The following WDR27 variants were observed in gnomAD, a reference collection of about 807,000 sequenced individuals.
WDR27 encodes WD repeat-containing protein 27.
In WDR27, 100 loss-of-function variants were observed where a neutral mutation model predicts 114.4. The observed-to-expected ratio is 0.87, with a 90% CI of 0.74 to 1.03. The LOEUF is 1.03. WDR27 is among the 50% of genes least tolerant of loss of function. WDR27 has a pLI of 0.00. For synonymous variants in WDR27, 449 were observed against 423.1 expected (o/e 1.06, Z -0.75); for missense variants, 1,129 against 1,092.9 (o/e 1.03, Z -0.47).
At chr6:169,700,558 T>C (rs900893349) in intron 1 of WDR27, among the ~76,000 whole-genome samples, 1 of 152,152 alleles carries the variant, frequency 6.6e-6, no homozygotes, top group African/African-American at 2.4e-5. Flanking sequence ...ACTGGCTAAA[T>C]GCGGAGAATT....
chr6:169,620,218 T>C (rs1265958952), intron 21 of WDR27, among the ~76,000 whole-genome samples: 5 of 152,142 alleles, frequency 3.3e-5, no homozygotes, highest in African/African-American at 1.2e-4. Flanking sequence ...GACAAGAAAA[T>C]GAATCTTGGG....
At chr6:169,461,922 GTAAT>G (rs1345234592) in intron 25 of WDR27, among the ~76,000 whole-genome samples, 1 of 151,988 alleles carries the variant, frequency 6.6e-6, no homozygotes, top group Admixed American at 6.5e-5. Context: ...AGTAATTTGA[GTAAT>G]TACTCAAATC....
At chr6:169,501,196 CA>C (rs1376696584) in intron 25 of WDR27, among the ~76,000 whole-genome samples, 4 of 152,216 alleles carry the variant, frequency 2.6e-5, no homozygotes, top group African/African-American at 9.6e-5. Context: ...GCAAGTTTCC[CA>C]AGTGGGCTGG....
chr6:169,665,255 T>A (rs1457174073), intron 7 of WDR27: 3 of 1,298,430 alleles, frequency 2.3e-6, no homozygotes, highest in African/African-American at 1.5e-5. Context: ...GAACCACGCA[T>A]GGAGCTCTGG....
At chr6:169,651,816 G>T in intron 14 of WDR27, 114 bp downstream of exon 14, 1 of 885,242 alleles carries the variant, frequency 1.1e-6, no homozygotes, top group Non-Finnish European at 1.7e-6. Context: ...CTATTGCTAT[G>T]TCCTCTCTCC....
intron 25 of WDR27, among the ~76,000 whole-genome samples, chr6:169,493,804 A>G (rs928465209): frequency 2.6e-5 from 4 of 152,200 alleles, no homozygotes; most frequent in Non-Finnish European, 5.9e-5. Context: ...TGTAATATAT[A>G]TGACATACAT....
chr6:169,466,264 T>C (rs1785573322), intron 25 of WDR27, among the ~76,000 whole-genome samples: 2 of 152,104 alleles, frequency 1.3e-5, no homozygotes, highest in Non-Finnish European at 2.9e-5. Context: ...TTATATGCCG[T>C]AGTATTAGTC....
chr6:169,487,399 G>T (rs1182875348), intron 25 of WDR27, among the ~76,000 whole-genome samples: 1 of 152,132 alleles, frequency 6.6e-6, no homozygotes, highest in African/African-American at 2.4e-5. Context: ...TGGGGAGAAG[G>T]CCGTTTGCAA....
At chr6:169,462,036 G>A (rs1435502260) in intron 25 of WDR27, among the ~76,000 whole-genome samples, 2 of 151,412 alleles carry the variant, frequency 1.3e-5, no homozygotes, top group Non-Finnish European at 2.9e-5. Context: ...GGATACCCTA[G>A]ATAAAATGTA....
chr6:169,677,944 C>G (rs1415602174), intron 2 of WDR27, among the ~76,000 whole-genome samples: 2 of 152,234 alleles, frequency 1.3e-5, no homozygotes, highest in Admixed American at 6.5e-5. Context: ...CAGCCTCCAG[C>G]TAGGTTTCAG....
Position 169,688,937 on chromosome 6 carries a change from G to T in WDR27, c.69C>A (p.Tyr23Ter). Residue 23 changes from tyrosine to a stop codon, truncating the protein, a stop_gained, in exon 2 of 26, where the codon TAC becomes TAA. Transcript: ENST00000448612. LOFTEE classifies it high-confidence loss of function. ...GCLSDIVIEK[Y>*]LVESKESVSH... The stretch of plus-strand genomic sequence containing the variant: ...ACACAGACTCCTTGGATTCAACCAG[G>T]TATTTTTCTATAACTATATCACTTA... 6.2e-7 allele frequency: 1 copy of T among 1,613,810 alleles called. No homozygotes were observed. Among genetic ancestry groups the T allele is most frequent in the Non-Finnish European group, 8.5e-7 (1 of 1,179,820 alleles).
At chr6:169,495,523 T>TTA (rs1554272436) in intron 25 of WDR27, among the ~76,000 whole-genome samples, 25 of 149,914 alleles carry the variant, frequency 1.7e-4, no homozygotes, top group African/African-American at 6.1e-4. Context: ...TTTGAAAAGA[T>TTA]AAAAAAAAAC....
intron 25 of WDR27, among the ~76,000 whole-genome samples, chr6:169,537,864 T>A (rs1796372997): frequency 6.6e-6 from 1 of 152,154 alleles, no homozygotes; most frequent in Admixed American, 6.5e-5. Flanking sequence ...GTTTGGGTTA[T>A]GTATTAAAGT....
intron 25 of WDR27, among the ~76,000 whole-genome samples, chr6:169,549,657 G>A (rs559238990): frequency 2.0e-5 from 3 of 152,318 alleles, no homozygotes; most frequent in Admixed American, 6.5e-5. Context: ...AAATAAAACT[G>A]TGGTGCATCC....
chr6:169,491,518 G>T (rs570915846), intron 25 of WDR27, among the ~76,000 whole-genome samples: 4 of 151,802 alleles, frequency 2.6e-5, no homozygotes, highest in Admixed American at 2.6e-4. Flanking sequence ...TATAAGAGAA[G>T]AAATAAATTG....
At chr6:169,614,235 C>G (rs908642273) in intron 21 of WDR27, among the ~76,000 whole-genome samples, 1 of 152,100 alleles carries the variant, frequency 6.6e-6, no homozygotes, top group Non-Finnish European at 1.5e-5. Context: ...AAAACATCAC[C>G]TAAACATTTG....
At chr6:169,612,387 T>C (rs1348301558) in intron 22 of WDR27, among the ~76,000 whole-genome samples, 2 of 151,966 alleles carry the variant, frequency 1.3e-5, no homozygotes, top group Non-Finnish European at 2.9e-5. Context: ...GCCACTGCAC[T>C]CCAGCACTCC....
At chr6:169,559,653 AAG>A (rs1669883265) in intron 25 of WDR27, 1 of 152,192 alleles carries the variant, frequency 6.6e-6, no homozygotes, top group Non-Finnish European at 1.5e-5. Context: ...TGTCCATAGT[AAG>A]AAAGACACGG....
At chr6:169,482,367 T>A (rs1418628177) in intron 25 of WDR27, among the ~76,000 whole-genome samples, 1 of 152,232 alleles carries the variant, frequency 6.6e-6, no homozygotes, top group Non-Finnish European at 1.5e-5. Flanking sequence ...CTTTGAGGAA[T>A]CACCACACTG....
Sources: gnomAD v4.1 joint callset for allele counts (sites outside exome capture counted in the v4.1 genomes callset) on GRCh38, gnomAD v4.1.1 for gene constraint, MANE v1.5 for transcripts, NCBI Gene and HGNC (gene_info 2026-07-23, HGNC 2026-07-21) for gene names.